The following GALNT14 variants were observed in gnomAD, a reference collection of about 807,000 sequenced individuals.
GALNT14 encodes the protein polypeptide N-acetylgalactosaminyltransferase 14, also known as UDP-GalNAc:polypeptide N-acetylgalactosaminyltransferase 14.
Under a neutral mutation model 77.5 loss-of-function variants are expected in GALNT14, and 60 were observed. That is an observed-to-expected ratio of 0.77 (90% CI 0.63 to 0.96). The LOEUF is 0.96. Among genes scored for constraint, GALNT14 ranks in the 40% least tolerant of loss-of-function variants. The pLI, the probability that GALNT14 is intolerant of heterozygous loss-of-function variation, is 0.00. For missense variants in GALNT14, 710 were observed against 731.0 expected, an observed-to-expected ratio of 0.97 and a Z score of 0.33; for synonymous variants, 280 against 281.7, an observed-to-expected ratio of 0.99 and a Z score of 0.06.
chr2:31,089,032 A>G (rs527382780), intron 1 of GALNT14, among the ~76,000 whole-genome samples: 5 of 152,340 alleles, frequency 3.3e-5, no homozygotes, highest in Admixed American at 2.0e-4. Flanking sequence ...AAGCACGACC[A>G]TCAGTGGAGA....
intron 4 of GALNT14, 81 bp from the exon 5 acceptor site, chr2:30,956,058 T>C (rs1667351721): frequency 2.1e-6 from 3 of 1,419,442 alleles, no homozygotes; most frequent in Admixed American, 1.7e-5. Context: ...CAGGTGAACC[T>C]GAAGGGTAGG....
intron 2 of GALNT14, among the ~76,000 whole-genome samples, chr2:30,975,079 GA>G (rs1394820207): frequency 2.0e-5 from 3 of 152,334 alleles, no homozygotes; most frequent in Admixed American, 6.5e-5. Context: ...GAAGAATCTG[GA>G]AGCTGAAGTA....
intron 6 of GALNT14, 73 bp downstream of exon 6, chr2:30,955,545 A>C: frequency 6.4e-7 from 1 of 1,557,492 alleles, no homozygotes; most frequent in Non-Finnish European, 8.7e-7. Context: ...GCACATGTGA[A>C]GTAATGAGCT....
At chr2:30,939,331 G>A (rs966145168) in intron 9 of GALNT14, among the ~76,000 whole-genome samples, 7 of 152,216 alleles carry the variant, frequency 4.6e-5, no homozygotes, top group African/African-American at 1.2e-4. Context: ...GCTGAGTCCT[G>A]TAGAGGGTCA....
At chr2:30,969,858 A>C (rs1460589317) in intron 2 of GALNT14, among the ~76,000 whole-genome samples, 1 of 152,188 alleles carries the variant, frequency 6.6e-6, no homozygotes, top group East Asian at 1.9e-4. Flanking sequence ...TCACAGCATC[A>C]GCTTTCAGAA....
Position 30,932,635 on chromosome 2 carries a change from T to C in GALNT14, c.932-441A>G, listed in dbSNP as rs576716448. 6.8e-4 allele frequency among the ~76,000 whole-genome samples: 104 copies of C among 152,298 alleles called. 1 individual carries two copies. In the South Asian group the frequency reaches 0.021, roughly 30 times the overall value. ...AGGAGAAAGAAATTTCAATCGAGAA[T>C]ACGGGAGAATTTTCTAACAATCAGG... is the stretch of plus-strand genomic sequence containing the variant. On this transcript the variant is annotated intron_variant, in intron 9 of 14. Transcript: ENST00000349752.
chr2:31,027,427 C>CAA lies in GALNT14; in HGVS notation c.130-34422_130-34421dup, dbSNP rs539336965. 2.5e-3 allele frequency among the ~76,000 whole-genome samples: 148 copies of CAA among 58,780 alleles called. 1 individual carries two copies. The highest frequency in any genetic ancestry group is 0.019 in the East Asian group (31 of 1,602). 38.6% of individuals were successfully genotyped at this position (58,780 alleles called of 152,430 possible). A position where few individuals can be genotyped will look rare whatever the true frequency, so the allele number is the denominator to read the frequency against. On this transcript the variant is annotated intron_variant, in intron 1 of 14. Transcript: ENST00000349752. The stretch of plus-strand genomic sequence containing the variant: ...AGCAAAACTCCAACTCAAAACAAAG[C>CAA]AAAAAAAAAAAAAAAAACAGTCCCT...
chr2:31,045,913 A>G (rs1440774387), intron 1 of GALNT14, among the ~76,000 whole-genome samples: 1 of 152,130 alleles, frequency 6.6e-6, no homozygotes, highest in Admixed American at 6.5e-5. Context: ...TTTCACCTGT[A>G]TCTCTTATTC....
the GALNT14 span, among the ~76,000 whole-genome samples, chr2:30,903,450 G>A: frequency 3.9e-5 from 6 of 152,340 alleles, no homozygotes; most frequent in South Asian, 2.1e-4. Flanking sequence ...TGTGACTTCC[G>A]TCTTGGTGGC....
intron 1 of GALNT14, among the ~76,000 whole-genome samples, chr2:31,104,416 C>A (rs1433070852): frequency 6.6e-6 from 1 of 152,124 alleles, no homozygotes; most frequent in Non-Finnish European, 1.5e-5. Context: ...GTGCATGCCT[C>A]CCAAAGACAA....
chr2:30,994,583 C>T (rs181925490), intron 1 of GALNT14, among the ~76,000 whole-genome samples: 2 of 152,306 alleles, frequency 1.3e-5, no homozygotes, highest in East Asian at 1.9e-4. Flanking sequence ...GATACTGCGG[C>T]TACAGAACAT....
chr2:30,917,271 T>C (rs1468890783), intron 13 of GALNT14, among the ~76,000 whole-genome samples: 2 of 152,080 alleles, frequency 1.3e-5, no homozygotes, highest in African/African-American at 4.8e-5. Context: ...TTTGGTTCTA[T>C]GGCTGGGTGA....
chr2:30,956,825 T>C (rs1667402312), intron 4 of GALNT14, among the ~76,000 whole-genome samples: 1 of 152,246 alleles, frequency 6.6e-6, no homozygotes, highest in Non-Finnish European at 1.5e-5. Context: ...TCTTTTCTTA[T>C]AGGCCATTCA....
At chr2:30,912,119 C>T in intron 14 of GALNT14, 104 bp downstream of exon 14, 1 of 1,430,764 alleles carries the variant, frequency 7.0e-7, no homozygotes, top group Non-Finnish European at 9.6e-7. Flanking sequence ...ATCAACTCTT[C>T]CTCTTCTAAC....
chr2:31,092,332 C>A (rs1161217839), intron 1 of GALNT14, among the ~76,000 whole-genome samples: 1 of 151,808 alleles, frequency 6.6e-6, no homozygotes, highest in Non-Finnish European at 1.5e-5. Context: ...ATACAGATCT[C>A]TTTTATAAAG....
chr2:31,018,014 T>G (rs187895173), intron 1 of GALNT14, among the ~76,000 whole-genome samples: 1 of 152,200 alleles, frequency 6.6e-6, no homozygotes, highest in Non-Finnish European at 1.5e-5. Flanking sequence ...ACTCCACTCA[T>G]TTCCCGAGTA....
chr2:31,000,973 A>T (rs1670335418), intron 1 of GALNT14, among the ~76,000 whole-genome samples: 1 of 152,238 alleles, frequency 6.6e-6, no homozygotes, highest in Admixed American at 6.5e-5. Context: ...AAATGAGGAA[A>T]GTGAGGCACA....
At chr2:31,019,035 G>A (rs1671555424) in intron 1 of GALNT14, among the ~76,000 whole-genome samples, 1 of 150,820 alleles carries the variant, frequency 6.6e-6, no homozygotes, top group Non-Finnish European at 1.5e-5. Context: ...TGCTTTATTG[G>A]GCACCATCTC....
chr2:30,992,442 C>T (rs111541515), intron 2 of GALNT14, among the ~76,000 whole-genome samples: 257 of 152,280 alleles, frequency 1.7e-3, no homozygotes, highest in African/African-American at 5.7e-3. Context: ...CCTACCTGCC[C>T]CAGGGTCCAA....
Sources: allele counts gnomAD v4.1 joint callset (sites outside exome capture counted in the v4.1 genomes callset), GRCh38; gene constraint gnomAD v4.1.1; transcripts MANE v1.5; gene names NCBI Gene and HGNC (gene_info 2026-07-23, HGNC 2026-07-21).